The following DEPDC5 variants were observed in gnomAD, a reference collection of about 807,000 sequenced individuals.
The protein encoded by DEPDC5 is DEP domain containing 5, GATOR1 subcomplex subunit, also known as GATOR1 complex protein DEPDC5.
DEPDC5 carries 73 observed loss-of-function variants against 217.3 expected under a neutral mutation model. The observed-to-expected ratio is 0.34, with a 90% CI of 0.28 to 0.41. The LOEUF (loss-of-function observed/expected upper bound fraction) is 0.41, where lower values mean the gene tolerates loss of function less well. Among genes scored for constraint, DEPDC5 ranks in the 10% least tolerant of loss-of-function variants. The pLI is 1.00. For synonymous variants in DEPDC5, 733 were observed against 756.7 expected, an observed-to-expected ratio of 0.97 and a Z score of 0.51; for missense variants, 1,675 against 2,070.1, an observed-to-expected ratio of 0.81 and a Z score of 3.70.
rs2087507773 is a variant in DEPDC5, at chr22:31,806,137, AAGCCAGCTCTTT to A, written c.1234_1245del (p.Ser412_Phe415del). On this transcript the variant is annotated inframe_deletion, in exon 18 of 43. Coordinates refer to ENST00000651528, the MANE Select transcript of DEPDC5 (RefSeq NM_001242896.3). ...TCTTTTACAGTTTCTACACATCCAA[AAGCCAGCTCTTT>A]TGTAATAGTTTCACCCCACGAATAA... 6.2e-7 allele frequency: 1 copy of A among 1,613,826 alleles called. No individual in the cohort carries two copies. Among genetic ancestry groups the A allele is most frequent in the Non-Finnish European group, 8.5e-7 (1 of 1,179,860 alleles).
intron 20 of DEPDC5, among the ~76,000 whole-genome samples, chr22:31,811,232 G>T (rs2088284973): frequency 6.6e-6 from 1 of 152,178 alleles, no homozygotes; most frequent in South Asian, 2.1e-4. Context: ...ACCACGTCCA[G>T]CTAATATTTG....
chr22:31,760,212 C>G (rs939290757), intron 3 of DEPDC5, among the ~76,000 whole-genome samples: 2 of 151,982 alleles, frequency 1.3e-5, no homozygotes, highest in Non-Finnish European at 2.9e-5. Flanking sequence ...GGACTACAGG[C>G]GCCCACCACT....
At chr22:31,865,729 G>T (rs2092672223) in intron 33 of DEPDC5, among the ~76,000 whole-genome samples, 1 of 152,204 alleles carries the variant, frequency 6.6e-6, no homozygotes, top group Non-Finnish European at 1.5e-5. Context: ...CCGCTAGATG[G>T]CAAGCTTCAT....
chr22:31,851,099 G>A (rs536979090), intron 31 of DEPDC5, among the ~76,000 whole-genome samples: 4 of 151,816 alleles, frequency 2.6e-5, no homozygotes, highest in African/African-American at 9.7e-5. Flanking sequence ...AGTTTTACTG[G>A]ATTTACACAG....
intron 19 of DEPDC5, 101 bp downstream of exon 19, chr22:31,809,748 G>A (rs1436819586): frequency 8.1e-7 from 1 of 1,241,138 alleles, no homozygotes; most frequent in African/African-American, 1.5e-5. Context: ...GGGAGGCCAA[G>A]GTTGGTGGAT....
intron 8 of DEPDC5, among the ~76,000 whole-genome samples, chr22:31,779,892 G>C (rs2084253440): frequency 6.6e-6 from 1 of 152,074 alleles, no homozygotes; most frequent in Admixed American, 6.6e-5. Flanking sequence ...GAAGGGAAGA[G>C]AGACAAGAGA....
chr22:31,800,987 C>CTT (rs772458096), intron 14 of DEPDC5, among the ~76,000 whole-genome samples: 14,672 of 141,082 alleles, frequency 0.1, 759 homozygotes, highest in Admixed American at 0.15. Context: ...AAAAAAAATT[C>CTT]TTTTTTTTTT....
At chr22:31,833,803 C>T (rs934156040) in intron 24 of DEPDC5, 112 bp from the exon 25 acceptor site, 26 of 842,660 alleles carry the variant, frequency 3.1e-5, no homozygotes, top group Non-Finnish European at 4.7e-5. Context: ...AGAATTTGCA[C>T]TTGGTTTACA....
At chr22:31,873,407 T>C in intron 35 of DEPDC5, 75 bp downstream of exon 35, 1 of 1,523,398 alleles carries the variant, frequency 6.6e-7, no homozygotes, top group Non-Finnish European at 9.0e-7. Context: ...GGCAGCGTGG[T>C]TTGGTAGATT....
intron 40 of DEPDC5, among the ~76,000 whole-genome samples, chr22:31,900,022 C>T (rs1418030338): frequency 6.6e-6 from 1 of 152,166 alleles, no homozygotes; most frequent in African/African-American, 2.4e-5. Flanking sequence ...CAGCTGATTA[C>T]TCTTCAAACT....
chr22:31,869,276 G>A (rs2092772856), intron 33 of DEPDC5, among the ~76,000 whole-genome samples: 1 of 151,910 alleles, frequency 6.6e-6, no homozygotes, highest in East Asian at 1.9e-4. Flanking sequence ...CATTACATGA[G>A]GCACAGCTTG....
At chr22:31,886,004 C>T (rs559864041) in intron 38 of DEPDC5, among the ~76,000 whole-genome samples, 3 of 151,330 alleles carry the variant, frequency 2.0e-5, no homozygotes. Flanking sequence ...TTGCACTCCA[C>T]CCTGGGTGAC....
intron 7 of DEPDC5, among the ~76,000 whole-genome samples, chr22:31,771,070 C>T (rs1415187302): frequency 6.6e-6 from 1 of 152,146 alleles, no homozygotes; most frequent in African/African-American, 2.4e-5. Flanking sequence ...GGCGTTGAGC[C>T]ACCGCACGCG....
At chr22:31,801,146 A>T in intron 14 of DEPDC5, among the ~76,000 whole-genome samples, 1 of 151,694 alleles carries the variant, frequency 6.6e-6, no homozygotes, top group East Asian at 1.9e-4. Flanking sequence ...TACATAAAAA[A>T]CTTGCCAGGC....
intron 34 of DEPDC5, among the ~76,000 whole-genome samples, chr22:31,871,437 C>T (rs1262993257): frequency 4.6e-5 from 7 of 152,182 alleles, no homozygotes; most frequent in Non-Finnish European, 8.8e-5. Context: ...CACTCCATTT[C>T]CCTTATGTCA....
At chr22:31,840,423 G>A (rs1379028459) in intron 27 of DEPDC5, among the ~76,000 whole-genome samples, 1 of 152,208 alleles carries the variant, frequency 6.6e-6, no homozygotes, top group Non-Finnish European at 1.5e-5. Flanking sequence ...CGGAGGTGCA[G>A]CCAGAGATGT....
At chr22:31,854,492 T>C (rs1249499764) in intron 31 of DEPDC5, among the ~76,000 whole-genome samples, 35 of 152,244 alleles carry the variant, frequency 2.3e-4, no homozygotes, top group Admixed American at 1.7e-3. Context: ...CCTTAGAGCA[T>C]CCAAGTAATT....
chr22:31,829,043 T>C (rs1390993877), intron 24 of DEPDC5, among the ~76,000 whole-genome samples: 1 of 152,198 alleles, frequency 6.6e-6, no homozygotes, highest in Non-Finnish European at 1.5e-5. Flanking sequence ...CTCACTGGAC[T>C]TTCAAGCTGA....
intron 38 of DEPDC5, among the ~76,000 whole-genome samples, chr22:31,891,955 A>G (rs2149367975): frequency 6.6e-6 from 1 of 152,366 alleles, no homozygotes. Context: ...CAGAAGTCCC[A>G]GATAGGATGA....
Sources: allele counts gnomAD v4.1 joint callset (sites outside exome capture counted in the v4.1 genomes callset), GRCh38; gene constraint gnomAD v4.1.1; transcripts MANE v1.5; gene names NCBI Gene and HGNC (gene_info 2026-07-23, HGNC 2026-07-21).